Variants in USP9X observed in about 807,000 individuals in gnomAD.
USP9X encodes ubiquitin carboxyl-terminal hydrolase 9X.
In USP9X, 7 loss-of-function variants were observed where a neutral mutation model predicts 190.3. That is an observed-to-expected ratio of 0.04 (90% confidence interval 0.02 to 0.07). USP9X has a LOEUF of 0.07. Among genes scored for constraint, USP9X ranks in the 10% least tolerant of loss-of-function variants. The probability of loss-of-function intolerance (pLI) is 1.00; values close to 1 mark genes in which losing one functional copy is unlikely to be tolerated. For synonymous variants in USP9X, 645 were observed against 659.5 expected (o/e 0.98, Z 0.34); for missense variants, 1,010 against 1,916.9 (o/e 0.53, Z 8.83).
At chrX:41,152,339 C>T (rs952246694) in intron 13 of USP9X, among the ~76,000 whole-genome samples, 3 of 111,945 alleles carry the variant, frequency 2.7e-5, no homozygotes, top group Non-Finnish European at 5.6e-5. Context: ...TTCACATACT[C>T]TCCCAAGAAC....
chrX:41,141,580 C>T (rs1490966658), intron 9 of USP9X, 149 bp downstream of exon 9: 2 of 570,150 alleles, frequency 3.5e-6, no homozygotes, highest in Non-Finnish European at 4.8e-6. Context: ...TCTGTTAATC[C>T]TGAGAACTTT....
intron 1 of USP9X, among the ~76,000 whole-genome samples, chrX:41,087,328 G>A (rs973236176): frequency 4.5e-5 from 5 of 111,894 alleles, no homozygotes; most frequent in African/African-American, 1.6e-4. Flanking sequence ...CTTTCCAGCA[G>A]GTACTTAACC....
chrX:41,101,055 T>G (rs192343562), intron 1 of USP9X, among the ~76,000 whole-genome samples: 1 of 111,995 alleles, frequency 8.9e-6, no homozygotes, highest in African/African-American at 3.2e-5. Flanking sequence ...AGTGTCTCTA[T>G]AATTATGGGG....
chrX:41,130,126 TATAA>T (rs766792107), intron 3 of USP9X, among the ~76,000 whole-genome samples: 2 of 112,111 alleles, frequency 1.8e-5, no homozygotes, highest in African/African-American at 3.2e-5. Flanking sequence ...TTGATTTTTC[TATAA>T]ATAGAGGATT....
At chrX:41,180,293 T>C (rs1289098766) in intron 21 of USP9X, among the ~76,000 whole-genome samples, 3 of 112,537 alleles carry the variant, frequency 2.7e-5, no homozygotes, top group Non-Finnish European at 5.6e-5. Context: ...GTAATAGTCC[T>C]TGCAGTGCTT....
chrX:41,119,067 A>C (rs185340986), intron 1 of USP9X, among the ~76,000 whole-genome samples: 206 of 112,018 alleles, frequency 1.8e-3, no homozygotes, highest in African/African-American at 6.3e-3. Context: ...TGCGTCCCCT[A>C]ATGCACATAC....
Position 41,184,113 on chromosome X carries a change from G to A in USP9X, c.3264G>A (p.Val1088=). ...SLFFGPSASQ[V]LYLTEVVYAL... Reference sequence around the variant, plus strand: ...TCTTTGGTCCTTCAGCCTCACAAGTGCTATATCTAACAGAGGTTAGTTTTT... The same window carrying A: ...TCTTTGGTCCTTCAGCCTCACAAGTACTATATCTAACAGAGGTTAGTTTTT... The change falls in exon 22 of 45, where the codon GTG becomes GTA. Residue 1088 remains valine (V), a synonymous_variant. Coordinates refer to ENST00000378308, the MANE Select transcript of USP9X (RefSeq NM_001039591.3). The A allele has an allele frequency of 8.3e-7, 1 of 1,205,995 alleles. No homozygotes were observed. Among genetic ancestry groups the A allele is most frequent in the Non-Finnish European group, 1.1e-6 (1 of 893,444 alleles).
chrX:41,125,861 G>T (rs1352406571), intron 2 of USP9X, among the ~76,000 whole-genome samples: 1 of 110,843 alleles, frequency 9.0e-6, no homozygotes, highest in Admixed American at 9.6e-5. Flanking sequence ...TTTTATATTG[G>T]GAAGTATTAA....
At position 41,233,652 on chromosome X, in the gene USP9X, A is replaced by G. The variant is rs974987613; in HGVS notation, c.*1128A>G. 2 of 112,265 alleles carry G rather than the reference A, an allele frequency of 1.8e-5. No homozygotes were observed. The highest frequency in any genetic ancestry group is 3.7e-4 in the South Asian group (1 of 2,718). The allele number at this position is 112,265 out of a possible 1,213,427, so 9.3% of individuals were successfully genotyped here. On this transcript the variant is annotated 3_prime_UTR_variant, in exon 45 of 45. Transcript: ENST00000378308. ...CTGGCTGATTTTCTGCTCAGTCACA[A>G]TTTTACTTGAAAGCAAGAATTGTCC...
At chrX:41,203,822 C>T (rs975586316) in intron 31 of USP9X, among the ~76,000 whole-genome samples, 2 of 111,021 alleles carry the variant, frequency 1.8e-5, no homozygotes, top group South Asian at 3.8e-4. Flanking sequence ...CTCAGCCTCC[C>T]GAGTAGCTGG....
At chrX:41,125,295 C>T (rs985764214) in intron 2 of USP9X, among the ~76,000 whole-genome samples, 6 of 109,364 alleles carry the variant, frequency 5.5e-5, no homozygotes, top group Non-Finnish European at 9.5e-5. Context: ...AGGCTGGTCT[C>T]GAACTCCTTA....
rs141913425 is a variant in USP9X, at chrX:41,186,274, G to C, written c.3559-243G>C. On this transcript the variant is annotated intron_variant, in intron 23 of 44. Coordinates refer to ENST00000378308, the MANE Select transcript of USP9X (RefSeq NM_001039591.3). ...TCCCCTGCAAGTTAAGCTGAGGCCA[G>C]ATTTAGAGACACGAGTTGATTGCTC... is the stretch of plus-strand genomic sequence containing the variant. 2.3e-3 allele frequency among the ~76,000 whole-genome samples: 257 copies of C among 111,501 alleles called. 1 individual carries two copies. The highest frequency in any genetic ancestry group is 7.6e-3 in the African/African-American group (234 of 30,667).
Position 41,115,728 on chromosome X carries a change from T to C in USP9X, c.-158-7743T>C, listed in dbSNP as rs1414041741. Among the ~76,000 whole-genome samples, 3 of 112,273 alleles carry C rather than the reference T, an allele frequency of 2.7e-5. No homozygotes were observed. In the Admixed American group the frequency reaches 2.8e-4, roughly 11 times the overall value. Reference sequence around the variant, plus strand: ...ATTGCAGATGCTCAGTACACAATTTTTGAATGACTAAGCTTTGAGTTTTTA... The same window carrying C: ...ATTGCAGATGCTCAGTACACAATTTCTGAATGACTAAGCTTTGAGTTTTTA... On this transcript the variant is annotated intron_variant, in intron 1 of 44. Coordinates refer to ENST00000378308, the MANE Select transcript of USP9X (RefSeq NM_001039591.3).
At chrX:41,223,151 A>T (rs1032436612) in intron 38 of USP9X, 66 bp from the exon 39 acceptor site, 2 of 1,053,891 alleles carry the variant, frequency 1.9e-6, no homozygotes, top group African/African-American at 1.9e-5. Context: ...AGCCCTTGCC[A>T]TCTTAATTTT....
rs754656577 is a variant in USP9X, at chrX:41,124,934, C to T, written c.96+1210C>T. ...TTTGGTATTAAGGTTTTATGCTGGCCGCAAAACTCATAGGGTGTACCTCTT... is the reference window on the plus strand; with the variant it reads ...TTTGGTATTAAGGTTTTATGCTGGCTGCAAAACTCATAGGGTGTACCTCTT... On this transcript the variant is annotated intron_variant, in intron 2 of 44. Coordinates refer to ENST00000378308, the MANE Select transcript of USP9X (RefSeq NM_001039591.3). Among the ~76,000 whole-genome samples the T allele has an allele frequency of 1.5e-4, 17 of 111,717 alleles. No individual in the cohort carries two copies. The South Asian group carries it at 3.7e-3, about 24-fold the overall frequency.
chrX:41,101,922 C>T (rs2062037108), intron 1 of USP9X, among the ~76,000 whole-genome samples: 1 of 111,745 alleles, frequency 8.9e-6, no homozygotes, highest in Admixed American at 9.5e-5. Context: ...ATAAACCAGT[C>T]ACAAAAGACC....
Position 41,185,420 on chromosome X carries a change from A to T in USP9X, c.3558+745A>T, listed in dbSNP as rs181898741. Among the ~76,000 whole-genome samples, 23 of 111,636 alleles carry T rather than the reference A, an allele frequency of 2.1e-4. No homozygotes were observed. The East Asian group carries it at 6.4e-3, about 31-fold the overall frequency. On this transcript the variant is annotated intron_variant, in intron 23 of 44. Coordinates refer to ENST00000378308, the MANE Select transcript of USP9X (RefSeq NM_001039591.3). Reference sequence around the variant, plus strand: ...AGATACTTCCAGGTGAAATTACATGATATCTAGGATTTGCTTAAAAACAAT... The same window carrying T: ...AGATACTTCCAGGTGAAATTACATGTTATCTAGGATTTGCTTAAAAACAAT...
chrX:41,182,521 G>T (rs7055648), intron 21 of USP9X, among the ~76,000 whole-genome samples: 14,567 of 109,835 alleles, frequency 0.13, 906 homozygotes, highest in East Asian at 0.22. Context: ...TATGAATTGG[G>T]TTGCTTTTAG....
chrX:41,109,737 T>G (rs1182904799), intron 1 of USP9X, among the ~76,000 whole-genome samples: 1 of 103,414 alleles, frequency 9.7e-6, no homozygotes, highest in Non-Finnish European at 2.0e-5. Flanking sequence ...TGATTGGATT[T>G]AAAGCTGTCT....
Sources: allele counts gnomAD v4.1 joint callset (sites outside exome capture counted in the v4.1 genomes callset), GRCh38; gene constraint gnomAD v4.1.1; transcripts MANE v1.5; gene names NCBI Gene and HGNC (gene_info 2026-07-23, HGNC 2026-07-21).